The following SHB variants were observed in gnomAD, a reference collection of about 807,000 sequenced individuals.
SHB encodes the protein SH2 domain containing adaptor protein B, also known as SH2 domain-containing adapter protein B.
Under a neutral mutation model 52.3 loss-of-function variants are expected in SHB, and 20 were observed. The observed-to-expected ratio is 0.38, with a 90% CI of 0.27 to 0.56. The LOEUF is 0.56. SHB is among the 20% of genes least tolerant of loss of function. The pLI is 0.71. For synonymous variants in SHB, 397 were observed against 316.5 expected (o/e 1.25, Z -2.70); for missense variants, 825 against 723.3 (o/e 1.14, Z -1.61).
At position 38,068,385 on chromosome 9, in the gene SHB, C is replaced by A; in HGVS notation, c.261G>T (p.Gln87His). ...AGGGGTCCTCGAAGTCTCGCTCCTT[C>A]TGCGCGCGGTAGGCGCGGATGAGGT... is the stretch of plus-strand genomic sequence containing the variant. ...TSDLIRAYRA[Q>H]KERDFEDPYN... The change falls in exon 1 of 6, where the codon CAG becomes CAT. Residue 87 changes from glutamine (Q) to histidine (H), a missense_variant. Gln to His is a conservative substitution (Grantham distance 24). Coordinates refer to ENST00000377707, the MANE Select transcript of SHB (RefSeq NM_003028.3). The A allele has an allele frequency of 6.3e-7, 1 of 1,576,476 alleles. No homozygotes were observed. The highest frequency in any genetic ancestry group is 1.2e-5 in the South Asian group (1 of 86,250).
chr9:38,035,529 C>T (rs979691195), intron 1 of SHB, among the ~76,000 whole-genome samples: 4 of 152,114 alleles, frequency 2.6e-5, no homozygotes, highest in African/African-American at 9.7e-5. Flanking sequence ...GAGAGAGGTT[C>T]TCCACCTCTT....
Position 37,948,632 on chromosome 9 carries a change from C to T in SHB, c.1346+3G>A. On this transcript the variant is annotated splice_donor_region_variant and intron_variant, in intron 5 of 5. Transcript: ENST00000377707. ...GGCTGGGGGTGCTCGGGGCGGCACT[C>T]ACCTCAGGGAGAGGGAGTAGTCATG... is the stretch of plus-strand genomic sequence containing the variant. 7 of 1,613,296 alleles carry T rather than the reference C, an allele frequency of 4.3e-6. No homozygotes were observed. Among genetic ancestry groups the T allele is most frequent in the Non-Finnish European group, 5.9e-6 (7 of 1,179,978 alleles).
At chr9:37,949,664 G>C (rs1324803784) in intron 4 of SHB, among the ~76,000 whole-genome samples, 1 of 152,176 alleles carries the variant, frequency 6.6e-6, no homozygotes, top group African/African-American at 2.4e-5. Flanking sequence ...TTCTCTGTTT[G>C]AGCAACATGG....
At chr9:37,928,960 G>A (rs1474296492) in intron 5 of SHB, among the ~76,000 whole-genome samples, 2 of 152,262 alleles carry the variant, frequency 1.3e-5, no homozygotes, top group Non-Finnish European at 2.9e-5. Flanking sequence ...CCCAGCTGCC[G>A]AGGGGAGGAC....
intron 5 of SHB, among the ~76,000 whole-genome samples, chr9:37,945,153 A>C (rs957588755): frequency 5.3e-5 from 8 of 152,212 alleles, no homozygotes; most frequent in Non-Finnish European, 1.0e-4. Flanking sequence ...TCACATGAAA[A>C]TGGCCAGAGG....
intron 2 of SHB, among the ~76,000 whole-genome samples, chr9:37,998,656 T>C (rs1237395783): frequency 1.3e-5 from 2 of 152,240 alleles, no homozygotes; most frequent in African/African-American, 4.8e-5. Context: ...TTTCACCATG[T>C]TGCCTAGGTT....
intron 5 of SHB, among the ~76,000 whole-genome samples, chr9:37,947,631 G>C (rs1280195337): frequency 2.0e-5 from 3 of 152,200 alleles, no homozygotes; most frequent in African/African-American, 7.2e-5. Context: ...CAGAAGTTGT[G>C]GGGGGAGGGG....
Position 37,986,644 on chromosome 9 carries a change from G to T in SHB, c.839-11807C>A, listed in dbSNP as rs558794578. On this transcript the variant is annotated intron_variant, in intron 2 of 5. Coordinates refer to ENST00000377707, the MANE Select transcript of SHB (RefSeq NM_003028.3). ...AAGAAGTGGGCAGAAGATGCCCAGG[G>T]CTCCAGAAAGCAAAACACACTCCTG... Among the ~76,000 whole-genome samples the T allele has an allele frequency of 2.0e-5, 3 of 152,316 alleles. No individual in the cohort carries two copies. The South Asian group carries it at 6.2e-4, about 32-fold the overall frequency.
intron 3 of SHB, among the ~76,000 whole-genome samples, chr9:37,958,318 G>C (rs535763928): frequency 1.3e-5 from 2 of 152,144 alleles, no homozygotes; most frequent in Admixed American, 1.3e-4. Context: ...GGAGGACTAC[G>C]GGTGACCACA....
intron 2 of SHB, among the ~76,000 whole-genome samples, chr9:37,983,731 G>T (rs116789399): frequency 6.6e-6 from 1 of 152,254 alleles, no homozygotes; most frequent in African/African-American, 2.4e-5. Context: ...CATGCCATCT[G>T]ATCTCTCTCA....
intron 5 of SHB, among the ~76,000 whole-genome samples, chr9:37,929,447 G>A (rs79269443): frequency 0.029 from 4,366 of 152,330 alleles, 100 homozygotes; most frequent in East Asian, 0.11. Context: ...GGGTCCTGGC[G>A]TGGGTCTTGT....
At chr9:38,062,066 A>T (rs1166471256) in intron 1 of SHB, among the ~76,000 whole-genome samples, 1 of 152,226 alleles carries the variant, frequency 6.6e-6, no homozygotes, top group East Asian at 1.9e-4. Flanking sequence ...GAAAGCGGAG[A>T]AATTACAGCA....
At chr9:38,058,609 T>C (rs1367033166) in intron 1 of SHB, among the ~76,000 whole-genome samples, 2 of 152,168 alleles carry the variant, frequency 1.3e-5, no homozygotes, top group African/African-American at 2.4e-5. Flanking sequence ...CAGAACCCTC[T>C]GCTGCCCCCA....
chr9:38,061,598 T>C (rs929519239), intron 1 of SHB, among the ~76,000 whole-genome samples: 1 of 152,216 alleles, frequency 6.6e-6, no homozygotes, highest in African/African-American at 2.4e-5. Flanking sequence ...GTTTCAGATT[T>C]GACTTTTAAA....
intron 1 of SHB, among the ~76,000 whole-genome samples, chr9:38,019,606 G>A (rs979294421): frequency 1.3e-5 from 2 of 152,254 alleles, no homozygotes; most frequent in African/African-American, 2.4e-5. Flanking sequence ...GCACTTGTGA[G>A]CAGAATTGGG....
chr9:38,019,989 TACA>T (rs1198463331), intron 1 of SHB, among the ~76,000 whole-genome samples: 2 of 152,182 alleles, frequency 1.3e-5, no homozygotes, highest in African/African-American at 4.8e-5. Flanking sequence ...GAATGATAAC[TACA>T]ACATCATACC....
At chr9:37,966,651 G>A (rs1399414725) in intron 3 of SHB, among the ~76,000 whole-genome samples, 1 of 152,164 alleles carries the variant, frequency 6.6e-6, no homozygotes, top group Admixed American at 6.5e-5. Flanking sequence ...AGGCATTCTG[G>A]GAAGCTATAC....
intron 2 of SHB, among the ~76,000 whole-genome samples, chr9:38,000,592 C>T (rs140542026): frequency 1.2e-3 from 182 of 152,322 alleles, no homozygotes; most frequent in African/African-American, 4.3e-3. Context: ...GTTCCGAGGC[C>T]GGGTGGGCTG....
chr9:37,926,334 TCTC>T (rs1467190204), intron 5 of SHB, among the ~76,000 whole-genome samples: 2 of 151,722 alleles, frequency 1.3e-5, no homozygotes, highest in Non-Finnish European at 2.9e-5. Flanking sequence ...CTAAAGAAAC[TCTC>T]CTCCTCACAC....
Sources: gnomAD v4.1 joint callset for allele counts (sites outside exome capture counted in the v4.1 genomes callset) on GRCh38, gnomAD v4.1.1 for gene constraint, MANE v1.5 for transcripts, NCBI Gene and HGNC (gene_info 2026-07-23, HGNC 2026-07-21) for gene names.